Variants in NYAP2 observed in about 807,000 individuals in gnomAD.
NYAP2 encodes neuronal tyrosine-phosphorylated phosphoinositide-3-kinase adapter 2.
NYAP2 carries 23 observed loss-of-function variants against 50.4 expected under a neutral mutation model. The observed-to-expected ratio is 0.46, with a 90% confidence interval of 0.33 to 0.65. The LOEUF (loss-of-function observed/expected upper bound fraction) is 0.65, where lower values mean the gene tolerates loss of function less well. NYAP2 is among the 30% of genes least tolerant of loss of function. The pLI is 0.02. For missense variants in NYAP2, 885 were observed against 861.0 expected (o/e 1.03, Z -0.35); for synonymous variants, 394 against 365.2 (o/e 1.08, Z -0.90).
At chr2:225,563,906 G>T (rs1054628881) in intron 4 of NYAP2, among the ~76,000 whole-genome samples, 6 of 152,110 alleles carry the variant, frequency 3.9e-5, no homozygotes, top group Non-Finnish European at 8.8e-5. Context: ...TGACTTGGGG[G>T]TGGGAAAAGC....
chr2:225,550,664 T>G (rs570739998), intron 4 of NYAP2, among the ~76,000 whole-genome samples: 1 of 152,208 alleles, frequency 6.6e-6, no homozygotes, highest in East Asian at 1.9e-4. Flanking sequence ...ATGGGAGGAA[T>G]GAAACCATGT....
At chr2:225,466,467 A>T (rs976924599) in intron 3 of NYAP2, among the ~76,000 whole-genome samples, 1 of 152,174 alleles carries the variant, frequency 6.6e-6, no homozygotes, top group African/African-American at 2.4e-5. Flanking sequence ...TTCAAGCATT[A>T]TTTGTCATAT....
At chr2:225,576,343 G>C (rs1023579188) in intron 4 of NYAP2, among the ~76,000 whole-genome samples, 1 of 152,110 alleles carries the variant, frequency 6.6e-6, no homozygotes, top group African/African-American at 2.4e-5. Flanking sequence ...TTTTGTACAT[G>C]ATTACACTTT....
intron 3 of NYAP2, among the ~76,000 whole-genome samples, chr2:225,452,768 T>C (rs1027798511): frequency 2.0e-5 from 3 of 152,200 alleles, no homozygotes; most frequent in Admixed American, 2.0e-4. Context: ...AATGCAGTCA[T>C]GCACGCGTAC....
intron 3 of NYAP2, among the ~76,000 whole-genome samples, chr2:225,414,862 A>G (rs953230408): frequency 6.6e-6 from 1 of 152,152 alleles, no homozygotes; most frequent in African/African-American, 2.4e-5. Context: ...GCTATTAGCT[A>G]TAGTATTTTA....
At chr2:225,583,105 T>C in intron 5 of NYAP2, 70 bp downstream of exon 5, 1 of 1,530,564 alleles carries the variant, frequency 6.5e-7, no homozygotes, top group Non-Finnish European at 8.8e-7. Context: ...AAGCCCATTG[T>C]GTGCAGATAA....
At chr2:225,409,142 G>A in intron 3 of NYAP2, 41 bp downstream of exon 3, 1 of 1,408,220 alleles carries the variant, frequency 7.1e-7, no homozygotes, top group African/African-American at 1.4e-5. Flanking sequence ...GTGCACATGA[G>A]AAAGTCCATG....
downstream of NYAP2, among the ~76,000 whole-genome samples, chr2:225,656,297 AC>A (rs1451949336): frequency 6.6e-6 from 1 of 152,076 alleles, no homozygotes; most frequent in Non-Finnish European, 1.5e-5. Context: ...CGTCCTCACC[AC>A]CCAGGACAAA....
At chr2:225,461,190 G>A (rs1367279593) in intron 3 of NYAP2, among the ~76,000 whole-genome samples, 3 of 152,010 alleles carry the variant, frequency 2.0e-5, no homozygotes, top group Non-Finnish European at 4.4e-5. Flanking sequence ...TGTGTGTGGA[G>A]GTGTCTAACT....
intron 5 of NYAP2, among the ~76,000 whole-genome samples, chr2:225,594,349 C>A (rs1692560825): frequency 6.6e-6 from 1 of 151,926 alleles, no homozygotes; most frequent in African/African-American, 2.4e-5. Flanking sequence ...CGTGGTGAAA[C>A]CCTGTCTCTA....
intron 4 of NYAP2, among the ~76,000 whole-genome samples, chr2:225,556,757 T>C (rs551051014): frequency 1.3e-5 from 2 of 152,178 alleles, no homozygotes; most frequent in Non-Finnish European, 2.9e-5. Flanking sequence ...TTTAATGGAT[T>C]TTTAACCATT....
chr2:225,545,787 T>C (rs1691569946), intron 4 of NYAP2, among the ~76,000 whole-genome samples: 1 of 152,128 alleles, frequency 6.6e-6, no homozygotes, highest in Non-Finnish European at 1.5e-5. Context: ...GAGTTATGTA[T>C]TTATTGTAGT....
chr2:225,695,173 G>A, the NYAP2 span, among the ~76,000 whole-genome samples: 4 of 151,484 alleles, frequency 2.6e-5, no homozygotes, highest in African/African-American at 9.7e-5. Context: ...GGATAATACA[G>A]TACACTGTAT....
At chr2:225,662,920 A>T in the NYAP2 span, among the ~76,000 whole-genome samples, 805 of 152,318 alleles carry the variant, frequency 5.3e-3, 5 homozygotes, top group Non-Finnish European at 8.4e-3. Context: ...CTCATATCCG[A>T]CGATCGCAGT....
intron 4 of NYAP2, among the ~76,000 whole-genome samples, chr2:225,561,414 A>C (rs1295329221): frequency 6.6e-6 from 1 of 152,140 alleles, no homozygotes; most frequent in African/African-American, 2.4e-5. Context: ...AGAAAGGCAC[A>C]AAAGATGAAG....
chr2:225,506,589 G>GCAGGCAGAA (rs1397648844), intron 3 of NYAP2, among the ~76,000 whole-genome samples: 1 of 152,192 alleles, frequency 6.6e-6, no homozygotes, highest in Non-Finnish European at 1.5e-5. Flanking sequence ...ATGGGCCAGG[G>GCAGGCAGAA]GGATGTTCAG....
rs543829106 is a variant in NYAP2 at position 225,497,216 on chromosome 2, A to G, written c.222-16155A>G. Among the ~76,000 whole-genome samples, 13 of 152,354 alleles carry G rather than the reference A, an allele frequency of 8.5e-5. No individual in the cohort carries two copies. In the South Asian group the frequency reaches 2.7e-3, roughly 32 times the overall value. The stretch of plus-strand genomic sequence containing the variant: ...AGGGAGCCAAGCTCCTGGCCTCTGC[A>G]TAGGTAATTTTGCCACCTATATTTC... On this transcript the variant is annotated intron_variant, in intron 3 of 6. Transcript: ENST00000636099.
chr2:225,601,537 A>C (rs566977150), intron 5 of NYAP2, among the ~76,000 whole-genome samples: 3 of 152,162 alleles, frequency 2.0e-5, no homozygotes, highest in Non-Finnish European at 4.4e-5. Flanking sequence ...ATTTTTCTAC[A>C]TCCTTGCCAA....
At chr2:225,524,894 A>T (rs1319531691) in intron 4 of NYAP2, among the ~76,000 whole-genome samples, 1 of 152,204 alleles carries the variant, frequency 6.6e-6, no homozygotes, top group African/African-American at 2.4e-5. Flanking sequence ...TAAAGGAAAA[A>T]ATGAGTAACC....
Sources: gnomAD v4.1 joint callset for allele counts (sites outside exome capture counted in the v4.1 genomes callset) on GRCh38, gnomAD v4.1.1 for gene constraint, MANE v1.5 for transcripts, NCBI Gene and HGNC (gene_info 2026-07-23, HGNC 2026-07-21) for gene names.